Variants in SCD5 observed in about 807,000 individuals in gnomAD.
SCD5 encodes the protein stearoyl-CoA desaturase 5.
Under a neutral mutation model 30.4 loss-of-function variants are expected in SCD5, and 20 were observed. The observed-to-expected ratio is 0.66, with a 90% CI of 0.46 to 0.96. The LOEUF (loss-of-function observed/expected upper bound fraction) is 0.96, where lower values mean the gene tolerates loss of function less well. SCD5 is among the 40% of genes least tolerant of loss of function. The probability of loss-of-function intolerance (pLI) is 0.00; values close to 1 mark genes in which losing one functional copy is unlikely to be tolerated. For missense variants in SCD5, 381 were observed against 443.3 expected (o/e 0.86, Z 1.26); for synonymous variants, 173 against 176.4 (o/e 0.98, Z 0.16).
chr4:82,641,253 CAAAAAAAAAAAAAAAA>C (rs10708492), intron 3 of SCD5, among the ~76,000 whole-genome samples: 1 of 52,190 alleles, frequency 1.9e-5, no homozygotes, highest in East Asian at 7.2e-4. Context: ...AACTCCATCT[CAAAAAAAAAAAAAAAA>C]AAAAAAAAAA....
intron 1 of SCD5, among the ~76,000 whole-genome samples, chr4:82,756,047 T>A (rs1721227639): frequency 6.6e-6 from 1 of 152,308 alleles, no homozygotes; most frequent in African/African-American, 2.4e-5. Flanking sequence ...GCCCTGTGGC[T>A]CAGTGACAAG....
In SCD5 at chr4:82,718,552, C is replaced by G. The variant is rs377264890; in HGVS notation, c.233-13139G>C. Among the ~76,000 whole-genome samples, 9 of 151,886 alleles carry G rather than the reference C, an allele frequency of 5.9e-5. No homozygotes were observed. In the East Asian group the frequency reaches 1.7e-3, roughly 29 times the overall value. ...ATTTGGCAGCGAGGTGTACTTGCTG[C>G]TCCCCCCACCAAAAAGTTACAAAAC... On this transcript the variant is annotated intron_variant, in intron 1 of 4. Coordinates refer to ENST00000319540, the MANE Select transcript of SCD5 (RefSeq NM_001037582.3).
At chr4:82,746,902 C>A (rs1720996251) in intron 1 of SCD5, among the ~76,000 whole-genome samples, 1 of 151,968 alleles carries the variant, frequency 6.6e-6, no homozygotes, top group African/African-American at 2.4e-5. Context: ...TACCACACCC[C>A]CAATCCTGTT....
intron 2 of SCD5, among the ~76,000 whole-genome samples, chr4:82,696,164 T>C (rs1233545089): frequency 6.6e-6 from 1 of 152,234 alleles, no homozygotes; most frequent in Non-Finnish European, 1.5e-5. Flanking sequence ...TTCTGCCTTC[T>C]GAAAGAGTTT....
In SCD5 at chr4:82,717,566, G is replaced by A. The variant is rs191257749; in HGVS notation, c.233-12153C>T. ...TGTGCATACATTTTATATCACTATA[G>A]GTATATGCATGCTCATTAATATCTC... On this transcript the variant is annotated intron_variant, in intron 1 of 4. Coordinates refer to ENST00000319540, the MANE Select transcript of SCD5 (RefSeq NM_001037582.3). Among the ~76,000 whole-genome samples, 288 of 151,850 alleles carry A rather than the reference G, an allele frequency of 1.9e-3. 9 individuals are homozygous for A. The highest frequency in any genetic ancestry group is 6.5e-3 in the African/African-American group (266 of 41,168).
intron 1 of SCD5, among the ~76,000 whole-genome samples, chr4:82,770,097 C>T (rs974046421): frequency 6.6e-6 from 1 of 152,016 alleles, no homozygotes; most frequent in African/African-American, 2.4e-5. Flanking sequence ...AGGTTTGTTA[C>T]ATATGTATAC....
intron 3 of SCD5, among the ~76,000 whole-genome samples, chr4:82,676,145 T>C (rs1446179967): frequency 6.6e-6 from 1 of 152,046 alleles, no homozygotes; most frequent in Admixed American, 6.5e-5. Flanking sequence ...TAGTGATCAG[T>C]TTGCACCATG....
chr4:82,796,106 T>C (rs1722210370), intron 1 of SCD5, among the ~76,000 whole-genome samples: 1 of 151,560 alleles, frequency 6.6e-6, no homozygotes, highest in Non-Finnish European at 1.5e-5. Flanking sequence ...CCATCTCTAC[T>C]AAAAATACAA....
At chr4:82,701,147 T>G (rs1260774555) in intron 2 of SCD5, among the ~76,000 whole-genome samples, 1 of 152,190 alleles carries the variant, frequency 6.6e-6, no homozygotes, top group Admixed American at 6.5e-5. Context: ...CAGGTACTAT[T>G]ATGAAGTGGT....
In SCD5 at chr4:82,784,504, G is replaced by T. The variant is rs113963984; in HGVS notation, c.232+13802C>A. Among the ~76,000 whole-genome samples, 1,147 of 152,158 alleles carry T rather than the reference G, an allele frequency of 7.5e-3. 14 individuals carry two copies. Among genetic ancestry groups the T allele is most frequent in the African/African-American group, 0.026 (1,085 of 41,496 alleles). ...TAAAATTAATATCAATTCTTTTTGG[G>T]GGGAGGAAATCGTATACAACAGCAA... On this transcript the variant is annotated intron_variant, in intron 1 of 4. Coordinates refer to ENST00000319540, the MANE Select transcript of SCD5 (RefSeq NM_001037582.3).
intron 1 of SCD5, among the ~76,000 whole-genome samples, chr4:82,753,057 T>C (rs866315504): frequency 4.1e-4 from 63 of 152,104 alleles, no homozygotes; most frequent in African/African-American, 1.3e-3. Flanking sequence ...CACCATCAGT[T>C]TGCCCAGGAG....
intron 3 of SCD5, among the ~76,000 whole-genome samples, chr4:82,662,424 T>C (rs1728033128): frequency 6.6e-6 from 1 of 152,138 alleles, no homozygotes; most frequent in African/African-American, 2.4e-5. Flanking sequence ...GAAATTAATA[T>C]GAAAATAGGT....
chr4:82,704,502 T>G (rs1172755210), intron 2 of SCD5, among the ~76,000 whole-genome samples: 4 of 152,216 alleles, frequency 2.6e-5, no homozygotes, highest in African/African-American at 9.6e-5. Context: ...GGGAATGGTC[T>G]AGGACTGGGA....
intron 1 of SCD5, among the ~76,000 whole-genome samples, chr4:82,770,010 T>C (rs754882262): frequency 1.3e-5 from 2 of 152,176 alleles, no homozygotes; most frequent in Non-Finnish European, 2.9e-5. Context: ...TTCTGTAAAC[T>C]TCCTGTCACA....
intron 3 of SCD5, among the ~76,000 whole-genome samples, chr4:82,641,578 G>A (rs1215989758): frequency 5.3e-5 from 8 of 152,104 alleles, no homozygotes; most frequent in Admixed American, 5.2e-4. Flanking sequence ...TGGGGGCAGG[G>A]GTACCCACAA....
intron 3 of SCD5, among the ~76,000 whole-genome samples, chr4:82,655,223 CT>C (rs915362494): frequency 6.6e-6 from 1 of 152,260 alleles, no homozygotes; most frequent in African/African-American, 2.4e-5. Flanking sequence ...CAAGGACTCT[CT>C]TTTTTTCCCT....
intron 3 of SCD5, among the ~76,000 whole-genome samples, chr4:82,647,782 G>A (rs1452553449): frequency 6.6e-6 from 1 of 152,174 alleles, no homozygotes; most frequent in Non-Finnish European, 1.5e-5. Flanking sequence ...TTAAGTAGCT[G>A]AGTTTTCTTC....
At chr4:82,643,167 T>C (rs138988301) in intron 3 of SCD5, among the ~76,000 whole-genome samples, 70 of 152,328 alleles carry the variant, frequency 4.6e-4, no homozygotes, top group African/African-American at 1.6e-3. Flanking sequence ...GATGGAGGAA[T>C]GTGAAGTGGC....
rs190432720 is a variant in SCD5 at position 82,683,042 on chromosome 4, T to A, written c.364-2130A>T. 4.3e-3 allele frequency among the ~76,000 whole-genome samples: 654 copies of A among 152,256 alleles called. 7 individuals carry two copies. The highest frequency in any genetic ancestry group is 0.015 in the African/African-American group (615 of 41,552). The stretch of plus-strand genomic sequence containing the variant: ...CGTTGGCCAGGCTGGTCGAAAATTT[T>A]AAAAATCCACCTAATCCTTGGGTTT... On this transcript the variant is annotated intron_variant, in intron 2 of 4. Coordinates refer to ENST00000319540, the MANE Select transcript of SCD5 (RefSeq NM_001037582.3).
Sources: gnomAD v4.1 joint callset for allele counts (sites outside exome capture counted in the v4.1 genomes callset) on GRCh38, gnomAD v4.1.1 for gene constraint, MANE v1.5 for transcripts, NCBI Gene and HGNC (gene_info 2026-07-23, HGNC 2026-07-21) for gene names.